REV3L: variants seen among roughly 807,000 people sequenced by gnomAD.
REV3L encodes DNA polymerase zeta catalytic subunit.
REV3L carries 69 observed loss-of-function variants against 299.4 expected under a neutral mutation model. The ratio of observed to expected loss-of-function variants is 0.23; its 90% CI spans 0.19 to 0.28. The LOEUF (loss-of-function observed/expected upper bound fraction) is 0.28, where lower values mean the gene tolerates loss of function less well. REV3L is among the 10% of genes least tolerant of loss of function. The pLI, the probability that REV3L is intolerant of heterozygous loss-of-function variation, is 1.00. For missense variants in REV3L, 3,128 were observed against 3,693.8 expected, an observed-to-expected ratio of 0.85 and a Z score of 3.97; for synonymous variants, 1,238 against 1,271.4, an observed-to-expected ratio of 0.97 and a Z score of 0.56.
At chr6:111,474,046 G>A (rs192410788) in intron 1 of REV3L, among the ~76,000 whole-genome samples, 1 of 152,198 alleles carries the variant, frequency 6.6e-6, no homozygotes, top group East Asian at 1.9e-4. Flanking sequence ...CATCTACACA[G>A]TGCCTGGTGA....
At chr6:111,410,189 A>G (rs1449103049) in intron 3 of REV3L, among the ~76,000 whole-genome samples, 1 of 152,222 alleles carries the variant, frequency 6.6e-6, no homozygotes. Flanking sequence ...CCTGGGCAAC[A>G]AAGCAAGACT....
At chr6:111,398,381 A>C (rs1432161473) in intron 4 of REV3L, among the ~76,000 whole-genome samples, 1 of 151,980 alleles carries the variant, frequency 6.6e-6, no homozygotes, top group East Asian at 1.9e-4. Flanking sequence ...TGCTCAAAAC[A>C]TTTGCTCCAT....
chr6:111,459,786 T>C (rs1369203057), intron 1 of REV3L, among the ~76,000 whole-genome samples: 1 of 152,124 alleles, frequency 6.6e-6, no homozygotes, highest in Non-Finnish European at 1.5e-5. Context: ...AGTGGGGCTG[T>C]GGAGAAAAGG....
At chr6:111,441,269 T>C (rs1430241380) in intron 1 of REV3L, among the ~76,000 whole-genome samples, 2 of 152,204 alleles carry the variant, frequency 1.3e-5, no homozygotes, top group African/African-American at 2.4e-5. Context: ...ATTGTTGTTT[T>C]TGAGACAGGG....
chr6:111,339,361 T>C (rs1422777126), intron 21 of REV3L, among the ~76,000 whole-genome samples: 2 of 152,176 alleles, frequency 1.3e-5, no homozygotes, highest in East Asian at 3.9e-4. Context: ...ACCTGAGATT[T>C]TGGCCAAATA....
intron 24 of REV3L, chr6:111,330,956 G>A: frequency 2.0e-6 from 2 of 982,966 alleles, no homozygotes; most frequent in Non-Finnish European, 2.4e-6. Flanking sequence ...AGAGAATGAT[G>A]CCACTTTTGA....
intron 3 of REV3L, among the ~76,000 whole-genome samples, chr6:111,406,701 A>T (rs1783664349): frequency 1.3e-5 from 2 of 152,146 alleles, no homozygotes; most frequent in East Asian, 1.9e-4. Context: ...TGAAAGGGGA[A>T]GAACTGTAAG....
Position 111,465,763 on chromosome 6 carries a change from A to AAAC in REV3L, c.139+16986_139+16987insGTT, listed in dbSNP as rs1383618316. On this transcript the variant is annotated intron_variant, in intron 1 of 31. Coordinates refer to ENST00000368802, the MANE Select transcript of REV3L (RefSeq NM_001372078.1). ...CAAAAACCAAAAAAAAAAAAAAAAA[A>AAAC]AAACTTTGTTTAAAATCTTCAGATG... Among the ~76,000 whole-genome samples the AAAC allele has an allele frequency of 4.6e-5, 7 of 151,134 alleles. No individual in the cohort carries two copies. In the East Asian group the frequency reaches 1.2e-3, roughly 25 times the overall value.
intron 24 of REV3L, 142 bp from the exon 25 acceptor site, chr6:111,329,880 G>A (rs547874919): frequency 4.2e-5 from 27 of 648,840 alleles, no homozygotes; most frequent in African/African-American, 2.0e-4. Context: ...ATTAGTGGCC[G>A]TCAATATAAA....
In REV3L at chr6:111,374,067, C is replaced by T. The variant is rs546867370; in HGVS notation, c.4288G>A (p.Val1430Met). Residue 1430 changes from valine (V) to methionine (M), a missense_variant, in exon 13 of 32, where the codon GTG (valine) becomes ATG (methionine). Physicochemically the swap from Val to Met is conservative, Grantham distance 21 (BLOSUM62 1). Transcript: ENST00000368802. ...LHCKDSQQQIVCIAEQSKHSE... is the reference protein window; with the variant it reads ...LHCKDSQQQIMCIAEQSKHSE... ...TGCTTTGACTGTTCCGCTATGCACACAATCTGCTGCTGACTGTCTTTGCAA... is the reference window on the plus strand; with the variant it reads ...TGCTTTGACTGTTCCGCTATGCACATAATCTGCTGCTGACTGTCTTTGCAA... 380 of 1,614,152 alleles carry T rather than the reference C, an allele frequency of 2.4e-4. 8 individuals are homozygous for T. In the South Asian group the frequency reaches 4.1e-3, roughly 17 times the overall value.
chr6:111,468,693 T>C (rs1791811327), intron 1 of REV3L, among the ~76,000 whole-genome samples: 1 of 152,198 alleles, frequency 6.6e-6, no homozygotes, highest in Admixed American at 6.5e-5. Context: ...ACAACCTCTG[T>C]ATTAGTTTTT....
chr6:111,430,486 C>T, intron 1 of REV3L: 6 of 1,548,752 alleles, frequency 3.9e-6, no homozygotes, highest in Non-Finnish European at 5.3e-6. Flanking sequence ...TATAAAGCTG[C>T]AAAGAAGCGG....
intron 1 of REV3L, among the ~76,000 whole-genome samples, chr6:111,461,981 A>AT (rs1790825065): frequency 6.6e-6 from 1 of 152,198 alleles, no homozygotes; most frequent in Non-Finnish European, 1.5e-5. Context: ...AAAGACAGAG[A>AT]TTATCAGACT....
intron 5 of REV3L, among the ~76,000 whole-genome samples, chr6:111,391,663 T>C (rs17510690): frequency 3.9e-4 from 59 of 152,360 alleles, no homozygotes; most frequent in Admixed American, 2.3e-3. Context: ...GCTTGGTGGC[T>C]CATGAATGTG....
At chr6:111,458,149 A>G (rs1003180785) in intron 1 of REV3L, among the ~76,000 whole-genome samples, 1 of 152,168 alleles carries the variant, frequency 6.6e-6, no homozygotes, top group South Asian at 2.1e-4. Context: ...ATGCAAATCA[A>G]TCACTGTGAT....
intron 1 of REV3L, among the ~76,000 whole-genome samples, chr6:111,454,958 G>A (rs1254471288): frequency 3.3e-5 from 5 of 152,030 alleles, no homozygotes; most frequent in South Asian, 2.1e-4. Context: ...GAGCCACCGC[G>A]CCCGGCTGTT....
chr6:111,338,273 A>G (rs1437310158), intron 21 of REV3L, among the ~76,000 whole-genome samples: 1 of 133,628 alleles, frequency 7.5e-6, no homozygotes, highest in Admixed American at 7.6e-5. Flanking sequence ...GTTTTAAAAC[A>G]TACTGGTTTA....
rs1185172052 is a variant in REV3L, at chr6:111,401,681, T to G, written c.565+3789A>C. 3.3e-5 allele frequency among the ~76,000 whole-genome samples: 5 copies of G among 152,312 alleles called. No homozygotes were observed. The East Asian group carries it at 7.7e-4, about 23-fold the overall frequency. On this transcript the variant is annotated intron_variant, in intron 4 of 31. Transcript: ENST00000368802. ...AACAAGTTGTCACCACAAAACATTC[T>G]CTTCTGAAAAAAAGTTTAAATGCAT...
chr6:111,381,245 T>C, intron 10 of REV3L, 80 bp downstream of exon 10: 1 of 1,181,756 alleles, frequency 8.5e-7, no homozygotes, highest in Non-Finnish European at 1.2e-6. Context: ...TTCAAGTCAA[T>C]AAAAAAAAAA....
Sources: allele counts gnomAD v4.1 joint callset (sites outside exome capture counted in the v4.1 genomes callset), GRCh38; gene constraint gnomAD v4.1.1; transcripts MANE v1.5; gene names NCBI Gene and HGNC (gene_info 2026-07-23, HGNC 2026-07-21).